The following EP300 variants were observed in gnomAD, a reference collection of about 807,000 sequenced individuals.
EP300 encodes EP300 lysine acetyltransferase.
Under a neutral mutation model 264.0 loss-of-function variants are expected in EP300, and 31 were observed. The observed-to-expected ratio is 0.12, with a 90% CI of 0.09 to 0.16. The LOEUF (loss-of-function observed/expected upper bound fraction) is 0.16. EP300 is among the 10% of genes least tolerant of loss of function. The pLI is 1.00. For missense variants in EP300, 2,766 were observed against 3,052.9 expected (o/e 0.91, Z 2.21); for synonymous variants, 1,340 against 1,045.4 (o/e 1.28, Z -5.44).
In EP300 at chr22:41,131,689, A is replaced by G. The variant is rs1223338287; in HGVS notation, c.1528+56A>G. 1.1e-5 allele frequency: 18 copies of G among 1,610,900 alleles called. No homozygotes were observed. The East Asian group carries it at 2.5e-4, about 22-fold the overall frequency. ...TTGGTTGTGTCAGTAAATGACATCT[A>G]TAAACACAGTGTTGTTAGCTCCTTT... On this transcript the variant is annotated intron_variant, in intron 6 of 30. Transcript: ENST00000263253.
chr22:41,139,699 T>C (rs771765379), intron 8 of EP300, among the ~76,000 whole-genome samples: 6 of 152,198 alleles, frequency 3.9e-5, no homozygotes, highest in Non-Finnish European at 4.4e-5. Flanking sequence ...TTTTGGTTTT[T>C]TGTTTGTTTT....
intron 14 of EP300, 68 bp downstream of exon 14, chr22:41,150,266 C>A: frequency 1.4e-6 from 2 of 1,480,426 alleles, no homozygotes; most frequent in Non-Finnish European, 1.8e-6. Context: ...ACTTCTGGGC[C>A]ATTTCCATTC....
intron 8 of EP300, among the ~76,000 whole-genome samples, chr22:41,138,166 G>A (rs1036975033): frequency 6.6e-6 from 1 of 151,922 alleles, no homozygotes; most frequent in Non-Finnish European, 1.5e-5. Flanking sequence ...GTAGAGCAGG[G>A]GTTTTTTGTT....
At position 41,164,311 on chromosome 22, in the gene EP300, A is replaced by G. The variant is rs541824237; in HGVS notation, c.3806+181A>G. 2.6e-5 allele frequency among the ~76,000 whole-genome samples: 4 copies of G among 152,366 alleles called. No homozygotes were observed. The East Asian group carries it at 7.7e-4, about 29-fold the overall frequency. On this transcript the variant is annotated intron_variant, in intron 22 of 30. Coordinates refer to ENST00000263253, the MANE Select transcript of EP300 (RefSeq NM_001429.4). ...TAAAAATTAAGTAACCTAGTATCCA[A>G]AAATAGATTTTTATCTTATTTTTAT...
Position 41,157,152 on chromosome 22 carries a change from G to A in EP300, c.3262-17G>A, listed in dbSNP as rs759389744. 6.2e-7 allele frequency: 1 copy of A among 1,613,878 alleles called. No individual in the cohort carries two copies. The highest frequency in any genetic ancestry group is 8.5e-7 in the Non-Finnish European group (1 of 1,179,916). On this transcript the variant is annotated splice_polypyrimidine_tract_variant and intron_variant, in intron 17 of 30. Transcript: ENST00000263253. ...TAGTGAGACTTGAGTAATGTTTGAT[G>A]TCACTTGTCTTTCTAGGATTACTTT...
At chr22:41,123,970 C>T (rs953963608) in intron 2 of EP300, among the ~76,000 whole-genome samples, 2 of 152,096 alleles carry the variant, frequency 1.3e-5, no homozygotes, top group Admixed American at 1.3e-4. Context: ...CAGAGGGAGC[C>T]GGCACAGTGG....
At chr22:41,105,413 T>C (rs184785368) in intron 1 of EP300, among the ~76,000 whole-genome samples, 159 of 152,022 alleles carry the variant, frequency 1.0e-3, no homozygotes, top group Non-Finnish European at 2.1e-3. Flanking sequence ...TTGTTTCTTT[T>C]TTTGAGATGG....
At chr22:41,095,847 G>A (rs1014112266) in intron 1 of EP300, among the ~76,000 whole-genome samples, 1 of 151,870 alleles carries the variant, frequency 6.6e-6, no homozygotes, top group Non-Finnish European at 1.5e-5. Flanking sequence ...CAGCTTTAAA[G>A]GAAAGAAAAC....
Position 41,129,872 on chromosome 22 carries a change from A to G in EP300, c.1169-18A>G, listed in dbSNP as rs760731021. The G allele has an allele frequency of 1.3e-6, 2 of 1,598,146 alleles. No individual in the cohort carries two copies. The highest frequency in any genetic ancestry group is 1.3e-5 in the African/African-American group (1 of 74,680). Reference sequence around the variant, plus strand: ...AACATTAACCTGCTCTTGAAAAAATATGTTTTCTTCTCTTTAGTGGCACAC... The same window carrying G: ...AACATTAACCTGCTCTTGAAAAAATGTGTTTTCTTCTCTTTAGTGGCACAC... On this transcript the variant is annotated intron_variant, in intron 4 of 30. Transcript: ENST00000263253.
chr22:41,164,756 A>G (rs553739177), intron 22 of EP300, among the ~76,000 whole-genome samples: 1 of 152,302 alleles, frequency 6.6e-6, no homozygotes, highest in Non-Finnish European at 1.5e-5. Context: ...TCTAGAAACT[A>G]GGATCATGCT....
intron 1 of EP300, among the ~76,000 whole-genome samples, chr22:41,096,705 A>T (rs535255969): frequency 6.7e-6 from 1 of 149,520 alleles, no homozygotes; most frequent in African/African-American, 2.5e-5. Flanking sequence ...TGCAATCTCA[A>T]CCTCCCAGGT....
rs1327629092 is a variant in EP300 at position 41,123,903 on chromosome 22, A to T, written c.730-1961A>T. ...TTTTTCAATTAATTATTATTATAGT[A>T]TAATGGCTCCAGGTGAACTTAACAT... On this transcript the variant is annotated intron_variant, in intron 2 of 30. Transcript: ENST00000263253. Among the ~76,000 whole-genome samples the T allele has an allele frequency of 3.3e-5, 5 of 152,370 alleles. 1 individual carries two copies. The South Asian group carries it at 1.0e-3, about 32-fold the overall frequency.
chr22:41,158,304 T>A, intron 18 of EP300, 108 bp from the exon 19 acceptor site: 1 of 811,180 alleles, frequency 1.2e-6, no homozygotes, highest in Non-Finnish European at 2.1e-6. Context: ...ATTATTAACA[T>A]AAATGAGAAC....
chr22:41,114,510 G>GATC (rs1333483697), intron 1 of EP300, among the ~76,000 whole-genome samples: 2 of 152,132 alleles, frequency 1.3e-5, no homozygotes, highest in African/African-American at 4.8e-5. Flanking sequence ...GAGCCCATAT[G>GATC]ATATTTCAAA....
intron 1 of EP300, among the ~76,000 whole-genome samples, chr22:41,095,336 G>A (rs764790611): frequency 7.0e-6 from 1 of 142,182 alleles, no homozygotes; most frequent in African/African-American, 2.6e-5. Context: ...CTGGGTTAAA[G>A]CAGTTCTGTC....
intron 1 of EP300, among the ~76,000 whole-genome samples, chr22:41,097,295 C>T (rs181658015): frequency 1.1e-3 from 171 of 152,186 alleles, no homozygotes; most frequent in African/African-American, 3.7e-3. Flanking sequence ...GGGTCTTATT[C>T]CAGCAGGAGT....
In EP300 at chr22:41,162,707, C is replaced by G; in HGVS notation, c.3672-16C>G. On this transcript the variant is annotated splice_polypyrimidine_tract_variant and intron_variant, in intron 20 of 30. Coordinates refer to ENST00000263253, the MANE Select transcript of EP300 (RefSeq NM_001429.4). ...CTCTATCACTTTTTCTCATTGTGTC[C>G]CTTTTCTCTCCTTAGTACAATAAAT... The G allele has an allele frequency of 1.2e-6, 2 of 1,600,530 alleles. No individual in the cohort carries two copies. The highest frequency in any genetic ancestry group is 1.7e-6 in the Non-Finnish European group (2 of 1,167,948).
chr22:41,131,315 T>G, intron 5 of EP300, 73 bp from the exon 6 acceptor site: 2 of 1,517,246 alleles, frequency 1.3e-6, no homozygotes, highest in East Asian at 4.5e-5. Flanking sequence ...TTGTGGGGTT[T>G]TTTATTAGAC....
intron 6 of EP300, among the ~76,000 whole-genome samples, chr22:41,132,583 G>A (rs540143352): frequency 1.3e-5 from 2 of 152,126 alleles, no homozygotes; most frequent in South Asian, 2.1e-4. Flanking sequence ...TACTGCACCC[G>A]GCCCAACAAT....
Sources: allele counts gnomAD v4.1 joint callset (sites outside exome capture counted in the v4.1 genomes callset), GRCh38; gene constraint gnomAD v4.1.1; transcripts MANE v1.5; gene names NCBI Gene and HGNC (gene_info 2026-07-23, HGNC 2026-07-21).